TAAR5: variants seen among roughly 807,000 people sequenced by gnomAD.
TAAR5 encodes trace amine associated receptor 5.
In TAAR5, 27 loss-of-function variants were observed where a neutral mutation model predicts 21.1. The observed-to-expected ratio is 1.28, with a 90% CI of 0.94 to 1.76. The LOEUF is 1.76. TAAR5 is among the 40% of genes most tolerant of loss of function. The probability of loss-of-function intolerance (pLI) is 0.00; values close to 1 mark genes in which losing one functional copy is unlikely to be tolerated. For synonymous variants in TAAR5, 203 were observed against 167.5 expected (o/e 1.21, Z -1.64); for missense variants, 495 against 405.6 (o/e 1.22, Z -1.89).
chr6:132,605,316 C>T, the TAAR5 span, among the ~76,000 whole-genome samples: 1 of 152,226 alleles, frequency 6.6e-6, no homozygotes, highest in Non-Finnish European at 1.5e-5. Context: ...AGGCATGTTA[C>T]AGATGAGTTT....
chr6:132,601,497 G>A, the TAAR5 span, among the ~76,000 whole-genome samples: 1 of 152,164 alleles, frequency 6.6e-6, no homozygotes, highest in Non-Finnish European at 1.5e-5. Context: ...CACAGACAAA[G>A]CAGTGATATA....
At chr6:132,605,797 T>G in the TAAR5 span, among the ~76,000 whole-genome samples, 1 of 148,282 alleles carries the variant, frequency 6.7e-6, no homozygotes, top group Non-Finnish European at 1.5e-5. Flanking sequence ...TGAAAGAGAC[T>G]CATGCATCTG....
At chr6:132,603,951 AT>A in the TAAR5 span, among the ~76,000 whole-genome samples, 1 of 152,098 alleles carries the variant, frequency 6.6e-6, no homozygotes, top group African/African-American at 2.4e-5. Flanking sequence ...TATATACAGA[AT>A]AACTTCTGCT....
the TAAR5 span, among the ~76,000 whole-genome samples, chr6:132,606,678 G>A: frequency 6.6e-6 from 1 of 152,096 alleles, no homozygotes; most frequent in Non-Finnish European, 1.5e-5. Context: ...ACAAGTAGAG[G>A]GAATAAAAAC....
chr6:132,596,144 C>G, the TAAR5 span, among the ~76,000 whole-genome samples: 2 of 152,086 alleles, frequency 1.3e-5, no homozygotes, highest in Non-Finnish European at 2.9e-5. Flanking sequence ...TGGCTTATCT[C>G]CTTTCATTTA....
At chr6:132,607,554 G>A in the TAAR5 span, among the ~76,000 whole-genome samples, 26 of 152,264 alleles carry the variant, frequency 1.7e-4, no homozygotes, top group Non-Finnish European at 3.5e-4. Flanking sequence ...GGCCAATCAT[G>A]GAGACATACC....
upstream of TAAR5, among the ~76,000 whole-genome samples, chr6:132,590,256 C>T (rs775229234): frequency 6.6e-6 from 1 of 152,094 alleles, no homozygotes; most frequent in African/African-American, 2.4e-5. Context: ...TAGCTACATG[C>T]CAACTCTTCC....
the TAAR5 span, among the ~76,000 whole-genome samples, chr6:132,607,053 G>C: frequency 1.2e-4 from 19 of 152,026 alleles, no homozygotes; most frequent in South Asian, 4.0e-3. Context: ...AAGGTTGCCG[G>C]GTGTGATGGC....
chr6:132,589,703 TC>T lies in TAAR5; in HGVS notation c.-18del. 1 of 1,366,722 alleles carries T rather than the reference TC, an allele frequency of 7.3e-7. No individual in the cohort carries two copies. The highest frequency in any genetic ancestry group is 9.6e-7 in the Non-Finnish European group (1 of 1,041,440). 84.7% of individuals were successfully genotyped at this position (1,366,722 alleles called of 1,614,324 possible). Reference sequence around the variant, plus strand: ...AGCTCTCATTTATGATTTCTACTCTTCCTCTGTCTGAGAACTGGCCACCTTC... The same window carrying T: ...AGCTCTCATTTATGATTTCTACTCTTCTCTGTCTGAGAACTGGCCACCTTC... On this transcript the variant is annotated 5_prime_UTR_variant, in exon 1 of 1. Transcript: ENST00000258034.
chr6:132,593,699 T>C (rs1776938029), upstream of TAAR5, among the ~76,000 whole-genome samples: 2 of 152,182 alleles, frequency 1.3e-5, no homozygotes, highest in South Asian at 4.1e-4. Context: ...CCACTATGTG[T>C]ACACACAGGC....
At chr6:132,594,372 A>G (rs374615249), upstream of TAAR5, 5 of 152,272 alleles carry the variant, frequency 3.3e-5, 1 homozygote, top group South Asian at 4.1e-4. Context: ...AAAGAGTCCT[A>G]TTGAATGATG....
upstream of TAAR5, chr6:132,589,815 A>G: frequency 1.3e-6 from 1 of 764,212 alleles, no homozygotes. Flanking sequence ...ACGAAGAGGA[A>G]GAAACTAAAG....
At chr6:132,601,218 C>T in the TAAR5 span, among the ~76,000 whole-genome samples, 4 of 152,122 alleles carry the variant, frequency 2.6e-5, no homozygotes, top group Admixed American at 2.0e-4. Context: ...TACTCATAAA[C>T]TGAAATCTTG....
At chr6:132,601,453 T>C in the TAAR5 span, among the ~76,000 whole-genome samples, 4 of 152,226 alleles carry the variant, frequency 2.6e-5, no homozygotes, top group Admixed American at 2.6e-4. Flanking sequence ...ATATGCCCCT[T>C]GGTGGGCAGC....
chr6:132,616,398 A>G, the TAAR5 span, among the ~76,000 whole-genome samples: 2 of 152,236 alleles, frequency 1.3e-5, no homozygotes. Flanking sequence ...TTATTAAAAC[A>G]CCAGAACACC....
In TAAR5 at chr6:132,589,191, T is replaced by C. The variant is rs751657354; in HGVS notation, c.496A>G (p.Thr166Ala). ...ACATCTGTGTAGAGGAATAACGAAG[T>C]GTATGCTGCGGGCACCCCCCATCCT... ...LAGWGVPAAY[T>A]SLFLYTDVVE... The change falls in exon 1 of 1, where the codon ACT becomes GCT. Residue 166 changes from threonine (T) to alanine (A), a missense_variant. Transcript: ENST00000258034. 2.5e-6 allele frequency: 4 copies of C among 1,605,884 alleles called. No homozygotes were observed. Among genetic ancestry groups the C allele is most frequent in the Middle Eastern group, 1.7e-4 (1 of 6,044 alleles).
Position 132,589,416 on chromosome 6 carries a change from T to C in TAAR5, c.271A>G (p.Ser91Gly), listed in dbSNP as rs766361309. The change falls in exon 1 of 1, where the codon AGC becomes GGC. Residue 91 changes from serine (S) to glycine (G), a missense_variant. By Grantham distance (56) the Ser-to-Gly change is moderately conservative (BLOSUM62 0). Transcript: ENST00000258034. ...CAGCTCTCCACTGAGCGAATGGTGC[T>C]GAGGGGCAGCACCAGCAGACCCAGA... ...MFLGLLVLPL[S>G]TIRSVESCWF... 4 of 1,613,914 alleles carry C rather than the reference T, an allele frequency of 2.5e-6. No individual in the cohort carries two copies. Among genetic ancestry groups the C allele is most frequent in the Non-Finnish European group, 2.5e-6 (3 of 1,179,978 alleles).
the TAAR5 span, among the ~76,000 whole-genome samples, chr6:132,611,932 C>T: frequency 1.3e-5 from 2 of 152,098 alleles, no homozygotes; most frequent in East Asian, 3.8e-4. Flanking sequence ...AGTTTTGAGG[C>T]AGTATTCATT....
the TAAR5 span, among the ~76,000 whole-genome samples, chr6:132,600,707 A>G: frequency 6.6e-5 from 10 of 152,110 alleles, no homozygotes; most frequent in South Asian, 1.9e-3. Flanking sequence ...AAAAAAACTA[A>G]TATACAATAA....
Sources: gnomAD v4.1 joint callset for allele counts (sites outside exome capture counted in the v4.1 genomes callset) on GRCh38, gnomAD v4.1.1 for gene constraint, MANE v1.5 for transcripts, NCBI Gene and HGNC (gene_info 2026-07-23, HGNC 2026-07-21) for gene names.